The following MECOM variants were observed in gnomAD, a reference collection of about 807,000 sequenced individuals.
MECOM encodes histone-lysine N-methyltransferase MECOM.
MECOM carries 13 observed loss-of-function variants against 116.3 expected under a neutral mutation model. The observed-to-expected ratio is 0.11, with a 90% confidence interval of 0.07 to 0.18. MECOM has a LOEUF of 0.18. Among genes scored for constraint, MECOM ranks in the 10% least tolerant of loss-of-function variants. The probability of loss-of-function intolerance (pLI) is 1.00; values close to 1 mark genes in which losing one functional copy is unlikely to be tolerated. For missense variants in MECOM, 1,299 were observed against 1,509.0 expected (o/e 0.86, Z 2.31); for synonymous variants, 528 against 535.2 (o/e 0.99, Z 0.19).
chr3:169,204,200 T>G (rs1749600480), intron 2 of MECOM, among the ~76,000 whole-genome samples: 1 of 152,168 alleles, frequency 6.6e-6, no homozygotes. Flanking sequence ...TACAGACAAA[T>G]TGCTGCCATT....
chr3:169,325,593 A>G (rs560611254), intron 2 of MECOM, among the ~76,000 whole-genome samples: 1 of 152,362 alleles, frequency 6.6e-6, no homozygotes, highest in South Asian at 2.1e-4. Flanking sequence ...TGAGTTCAAT[A>G]CTAACTTGGT....
At chr3:169,159,961 C>G (rs1287513803) in intron 2 of MECOM, among the ~76,000 whole-genome samples, 1 of 152,148 alleles carries the variant, frequency 6.6e-6, no homozygotes, top group Non-Finnish European at 1.5e-5. Context: ...TACTAAGCAC[C>G]TAATAAGCAT....
rs73167949 is a variant in MECOM at position 169,130,970 on chromosome 3, C to A, written c.613+459G>T. Among the ~76,000 whole-genome samples, 590 of 152,060 alleles carry A rather than the reference C, an allele frequency of 3.9e-3. 3 individuals are homozygous for A. Among genetic ancestry groups the A allele is most frequent in the Non-Finnish European group, 6.4e-3 (432 of 67,972 alleles). On this transcript the variant is annotated intron_variant, in intron 4 of 16. Transcript: ENST00000651503. ...AATTTCTTCATCTATACATTTTTCC[C>A]AAGGCCTCTTCCCTGACACCCCTCC...
At chr3:169,534,806 T>G (rs1231019378) in intron 1 of MECOM, among the ~76,000 whole-genome samples, 5 of 152,176 alleles carry the variant, frequency 3.3e-5, no homozygotes, top group Non-Finnish European at 7.3e-5. Flanking sequence ...GCTAGACCAC[T>G]TGTACAAGTG....
chr3:169,111,334 A>G (rs1257719146), intron 9 of MECOM, among the ~76,000 whole-genome samples: 2 of 152,200 alleles, frequency 1.3e-5, no homozygotes, highest in Non-Finnish European at 2.9e-5. Flanking sequence ...AATTAATATT[A>G]CTGTAATTAA....
intron 2 of MECOM, among the ~76,000 whole-genome samples, chr3:169,246,127 A>C (rs1238772708): frequency 6.6e-6 from 1 of 152,220 alleles, no homozygotes; most frequent in Non-Finnish European, 1.5e-5. Flanking sequence ...CCTAATTAGA[A>C]AACAAAAATT....
At chr3:169,105,479 G>C (rs1432987580) in intron 10 of MECOM, among the ~76,000 whole-genome samples, 1 of 151,958 alleles carries the variant, frequency 6.6e-6, no homozygotes, top group Non-Finnish European at 1.5e-5. Context: ...TAAAAATCAA[G>C]ATAAATTGGA....
intron 2 of MECOM, among the ~76,000 whole-genome samples, chr3:169,202,585 A>G (rs1749306163): frequency 6.6e-6 from 1 of 152,104 alleles, no homozygotes; most frequent in Admixed American, 6.6e-5. Flanking sequence ...ATGTAGTGAC[A>G]TAATACTCTG....
intron 1 of MECOM, among the ~76,000 whole-genome samples, chr3:169,389,188 C>T (rs150827393): frequency 6.6e-6 from 1 of 152,322 alleles, no homozygotes; most frequent in Admixed American, 6.5e-5. Flanking sequence ...AAAAAATGGG[C>T]TTCGCCTCTT....
chr3:169,465,695 A>C (rs1748186110), intron 1 of MECOM, among the ~76,000 whole-genome samples: 1 of 152,008 alleles, frequency 6.6e-6, no homozygotes, highest in South Asian at 2.1e-4. Context: ...TTCACATTTT[A>C]ATATGACTTT....
chr3:169,170,071 G>T (rs1200215027), intron 2 of MECOM, among the ~76,000 whole-genome samples: 5 of 152,066 alleles, frequency 3.3e-5, no homozygotes, highest in Non-Finnish European at 7.4e-5. Context: ...TGTGGATTTA[G>T]ATGTTTATTT....
At chr3:169,212,650 A>G (rs1750907337) in intron 2 of MECOM, among the ~76,000 whole-genome samples, 1 of 57,726 alleles carries the variant, frequency 1.7e-5, no homozygotes, top group African/African-American at 9.0e-5. Context: ...ATATATATAT[A>G]TATATATATA....
intron 1 of MECOM, among the ~76,000 whole-genome samples, chr3:169,622,822 G>T (rs557643744): frequency 6.6e-6 from 1 of 152,166 alleles, no homozygotes; most frequent in Non-Finnish European, 1.5e-5. Context: ...GTGCAGAGGC[G>T]CTGGGGTCAG....
intron 2 of MECOM, among the ~76,000 whole-genome samples, chr3:169,233,050 C>T (rs1189658230): frequency 6.6e-6 from 1 of 152,036 alleles, no homozygotes; most frequent in Non-Finnish European, 1.5e-5. Flanking sequence ...ATTGTGGAGT[C>T]AGGGCCTGTC....
chr3:169,618,543 G>A (rs1220682360), intron 1 of MECOM, among the ~76,000 whole-genome samples: 1 of 152,200 alleles, frequency 6.6e-6, no homozygotes, highest in South Asian at 2.1e-4. Flanking sequence ...CGTAGTCCCA[G>A]CTACTCAGGA....
intron 2 of MECOM, among the ~76,000 whole-genome samples, chr3:169,237,391 T>C (rs1469455978): frequency 6.6e-6 from 1 of 152,178 alleles, no homozygotes; most frequent in African/African-American, 2.4e-5. Context: ...CAGATAAAGA[T>C]TGTGTAACTC....
chr3:169,632,753 C>T (rs933613839), intron 1 of MECOM, among the ~76,000 whole-genome samples: 2 of 152,192 alleles, frequency 1.3e-5, no homozygotes, highest in African/African-American at 4.8e-5. Flanking sequence ...TTCATGGCAA[C>T]CTGTCTGAGT....
At chr3:169,633,624 T>C (rs1772354562) in intron 1 of MECOM, among the ~76,000 whole-genome samples, 1 of 151,830 alleles carries the variant, frequency 6.6e-6, no homozygotes, top group Admixed American at 6.6e-5. Flanking sequence ...ACACACACAC[T>C]CTGTGTCGAT....
intron 2 of MECOM, among the ~76,000 whole-genome samples, chr3:169,210,747 C>T (rs887836570): frequency 6.6e-6 from 1 of 152,106 alleles, no homozygotes; most frequent in African/African-American, 2.4e-5. Flanking sequence ...CAGAGAGCTC[C>T]TTCATGCCTC....
Sources: gnomAD v4.1 joint callset for allele counts (sites outside exome capture counted in the v4.1 genomes callset) on GRCh38, gnomAD v4.1.1 for gene constraint, MANE v1.5 for transcripts, NCBI Gene and HGNC (gene_info 2026-07-23, HGNC 2026-07-21) for gene names.